Variants in FAT2 observed in about 807,000 individuals in gnomAD.
The protein encoded by FAT2 is protocadherin Fat 2.
FAT2 carries 150 observed loss-of-function variants against 295.3 expected under a neutral mutation model. The ratio of observed to expected loss-of-function variants is 0.51; its 90% CI spans 0.44 to 0.58. FAT2 has a LOEUF of 0.58. Ranked by LOEUF, FAT2 falls within the 20% of genes least tolerant of loss-of-function variation. FAT2 has a pLI of 0.00. For synonymous variants in FAT2, 2,026 were observed against 2,150.3 expected, an observed-to-expected ratio of 0.94 and a Z score of 1.60; for missense variants, 4,868 against 5,442.7, an observed-to-expected ratio of 0.89 and a Z score of 3.32.
intron 1 of FAT2, among the ~76,000 whole-genome samples, chr5:151,573,580 G>A (rs1249094518): frequency 6.6e-6 from 1 of 152,198 alleles, no homozygotes; most frequent in African/African-American, 2.4e-5. Flanking sequence ...CTTGAACCAG[G>A]GAGTTGGAGG....
chr5:151,562,871 C>T (rs1387387188), intron 3 of FAT2, among the ~76,000 whole-genome samples: 2 of 152,158 alleles, frequency 1.3e-5, no homozygotes, highest in East Asian at 1.9e-4. Context: ...AGTGGATTCA[C>T]ATTGCCAGCA....
In FAT2 at chr5:151,563,791, A is replaced by G. The variant is rs142337462; in HGVS notation, c.3260-152T>C. The G allele has an allele frequency of 4.7e-5, 30 of 636,090 alleles. No homozygotes were observed. In the African/African-American group the frequency reaches 5.3e-4, roughly 11 times the overall value. The allele number at this position is 636,090 out of a possible 1,614,324, so 39.4% of individuals were successfully genotyped here. ...AGAAGGAACTGCTTCTACCAGTATA[A>G]TGTGGGAGATGCTGAGTTGAACACA... On this transcript the variant is annotated intron_variant, in intron 2 of 23. Transcript: ENST00000261800.
At chr5:151,581,265 A>C (rs1413738301) in intron 1 of FAT2, among the ~76,000 whole-genome samples, 2 of 152,212 alleles carry the variant, frequency 1.3e-5, no homozygotes, top group Admixed American at 1.3e-4. Context: ...GAAGGGCATA[A>C]AGCGGTGGGC....
intron 21 of FAT2, chr5:151,511,949 C>G: frequency 1.7e-6 from 1 of 577,440 alleles, no homozygotes; most frequent in Non-Finnish European, 3.1e-6. Flanking sequence ...CCTCATCCCC[C>G]CAGAAGTAGA....
In FAT2 at chr5:151,531,987, G is replaced by A. The variant is rs2127592061; in HGVS notation, c.9428-17C>T. The A allele has an allele frequency of 3.7e-6, 6 of 1,613,118 alleles. No individual in the cohort carries two copies. The highest frequency in any genetic ancestry group is 5.1e-6 in the Non-Finnish European group (6 of 1,179,590). ...CATTGGCGCCTGGCAGGGAGACCAAGGGTGTGATCCACACTGAGGGCGCCT... is the reference window on the plus strand; with the variant it reads ...CATTGGCGCCTGGCAGGGAGACCAAAGGTGTGATCCACACTGAGGGCGCCT... On this transcript the variant is annotated splice_polypyrimidine_tract_variant and intron_variant, in intron 13 of 23. Transcript: ENST00000261800. The surrounding 1 kb of genome is among the most constrained non-coding windows in gnomAD (Gnocchi z 5.7).
At chr5:151,590,979 A>G (rs889023012) in intron 1 of FAT2, among the ~76,000 whole-genome samples, 186 bp downstream of exon 1, 1 of 152,094 alleles carries the variant, frequency 6.6e-6, no homozygotes, top group Non-Finnish European at 1.5e-5. Flanking sequence ...GGCTTCTTTC[A>G]GTGTACCTAG....
intron 14 of FAT2, 52 bp from the exon 15 acceptor site, chr5:151,529,444 C>T (rs746276452): frequency 2.7e-5 from 41 of 1,533,018 alleles, no homozygotes; most frequent in African/African-American, 9.5e-5. Context: ...CCCTCAAAGG[C>T]GCAGGACTGA....
intron 17 of FAT2, among the ~76,000 whole-genome samples, chr5:151,526,361 T>A (rs914191381): frequency 6.6e-6 from 1 of 152,246 alleles, no homozygotes; most frequent in African/African-American, 2.4e-5. Context: ...TGAACACTTA[T>A]AAATGATTTC....
At chr5:151,532,342 A>G (rs74294202) in intron 13 of FAT2, among the ~76,000 whole-genome samples, 2,640 of 152,240 alleles carry the variant, frequency 0.017, 61 homozygotes, top group East Asian at 0.095. Flanking sequence ...GGTTACAAGA[A>G]TCTAAACATG....
At chr5:151,587,973 G>C (rs779095832) in intron 1 of FAT2, among the ~76,000 whole-genome samples, 3 of 152,196 alleles carry the variant, frequency 2.0e-5, no homozygotes, top group Non-Finnish European at 2.9e-5. Context: ...TGTTGAGTGC[G>C]TGCCAACCCA....
rs202070099 is a variant in FAT2, at chr5:151,525,769, T to C, written c.10505A>G (p.Gln3502Arg). ...CCAGAAGCCTAGCACAGCTCTCACCTGGATCTGAAGCTGATACCATTCCTG... is the reference window on the plus strand; with the variant it reads ...CCAGAAGCCTAGCACAGCTCTCACCCGGATCTGAAGCTGATACCATTCCTG... ...RAQEWYQLQI[Q>R]ASDSGIPPLS... is the part of the protein sequence containing the mutation. The change falls in exon 18 of 24, where the codon CAG becomes CGG. Residue 3502 changes from glutamine (Q) to arginine (R), a missense_variant and splice_region_variant. By Grantham distance (43) the Gln-to-Arg change is conservative (BLOSUM62 1). This residue lies in a region of FAT2 where 1,046 missense variants were observed against 1,210.1 expected (regional missense o/e 0.86). Transcript: ENST00000261800. 4.3e-6 allele frequency: 7 copies of C among 1,614,194 alleles called. No individual in the cohort carries two copies. Among genetic ancestry groups the C allele is most frequent in the Non-Finnish European group, 5.9e-6 (7 of 1,180,016 alleles).
At chr5:151,575,778 T>C (rs1758723033) in intron 1 of FAT2, among the ~76,000 whole-genome samples, 1 of 152,198 alleles carries the variant, frequency 6.6e-6, no homozygotes, top group African/African-American at 2.4e-5. Flanking sequence ...GAGTTCACTC[T>C]AGAGCTGCGC....
At chr5:151,564,434 T>A (rs902910741) in intron 2 of FAT2, among the ~76,000 whole-genome samples, 1 of 152,230 alleles carries the variant, frequency 6.6e-6, no homozygotes, top group African/African-American at 2.4e-5. Flanking sequence ...AACAGCTTAA[T>A]TAAATTAAGC....
In FAT2 at chr5:151,567,171, T is replaced by G. The variant is rs761112761; in HGVS notation, c.1761A>C (p.Ser587=). The G allele has an allele frequency of 1.2e-6, 2 of 1,614,228 alleles. No homozygotes were observed. The highest frequency in any genetic ancestry group is 3.3e-5 in the Admixed American group (2 of 60,032). The change falls in exon 2 of 24, where the codon TCA becomes TCC. Residue 587 remains serine (S), a synonymous_variant. Coordinates refer to ENST00000261800, the MANE Select transcript of FAT2 (RefSeq NM_001447.3). The stretch of plus-strand genomic sequence containing the variant: ...TCTGAAGCTCATCCACATCTATGGC[T>G]GACATAGTCATTATCGATTTCCCTA... ...WPVGKSIMTM[S]AIDVDELQNL...
intron 11 of FAT2, 94 bp downstream of exon 11, chr5:151,540,473 C>T (rs1756015400): frequency 9.2e-7 from 1 of 1,086,744 alleles, no homozygotes; most frequent in Admixed American, 2.5e-5. Context: ...GCCCCTCAAT[C>T]TCCCTTCTCC....
chr5:151,565,006 C>T (rs537555561), intron 2 of FAT2, among the ~76,000 whole-genome samples: 16 of 152,072 alleles, frequency 1.1e-4, no homozygotes, highest in Admixed American at 3.3e-4. Context: ...ACTCGGGGGA[C>T]GGAGGTTGCA....
rs756204535 is a variant in FAT2, at chr5:151,563,505, C to A, written c.3394G>T (p.Asp1132Tyr). Residue 1132 changes from aspartate to tyrosine, a missense_variant, in exon 3 of 24, where the codon GAC (aspartate) becomes TAC (tyrosine). By Grantham distance (160) the Asp-to-Tyr change is radical. Around this residue, in one of 5 missense-constraint regions of FAT2, gnomAD observed 3,297 missense variants for 3,669.4 expected, o/e 0.90. Coordinates refer to ENST00000261800, the MANE Select transcript of FAT2 (RefSeq NM_001447.3). Reference sequence around the variant, plus strand: ...GCTTGGGACATCTGGGGTGGGTTGTCATTGGCATCCGTAACCTCGATGTAG... The same window carrying A: ...GCTTGGGACATCTGGGGTGGGTTGTAATTGGCATCCGTAACCTCGATGTAG... ...EVYIEVTDANDNPPQMSQAVF... is the reference protein window; with the variant it reads ...EVYIEVTDANYNPPQMSQAVF... 1 of 1,614,192 alleles carries A rather than the reference C, an allele frequency of 6.2e-7. No homozygotes were observed. Among genetic ancestry groups the A allele is most frequent in the Non-Finnish European group, 8.5e-7 (1 of 1,180,040 alleles).
At chr5:151,580,660 C>T (rs1039031986) in intron 1 of FAT2, among the ~76,000 whole-genome samples, 5 of 152,196 alleles carry the variant, frequency 3.3e-5, no homozygotes, top group African/African-American at 9.6e-5. Context: ...TGCAGCAAAG[C>T]TCAAGCAGCA....
chr5:151,528,923 G>A (rs560464613), intron 15 of FAT2, among the ~76,000 whole-genome samples: 1 of 151,888 alleles, frequency 6.6e-6, no homozygotes, highest in Non-Finnish European at 1.5e-5. Context: ...AACAAACCTC[G>A]CCTATCCCAT....
Sources: allele counts gnomAD v4.1 joint callset (sites outside exome capture counted in the v4.1 genomes callset), GRCh38; gene constraint gnomAD v4.1.1; regional missense constraint gnomAD v4.1.1; non-coding constraint Gnocchi (gnomAD v3.1); transcripts MANE v1.5; gene names NCBI Gene and HGNC (gene_info 2026-07-23, HGNC 2026-07-21).